Variants in UBTD2 observed in about 807,000 individuals in gnomAD.
The protein encoded by UBTD2 is ubiquitin domain containing 2.
A neutral mutation model predicts 19.8 loss-of-function variants in UBTD2; 9 were observed. The ratio of observed to expected loss-of-function variants is 0.46; its 90% CI spans 0.27 to 0.79. UBTD2 has a LOEUF of 0.79. Among genes scored for constraint, UBTD2 ranks in the 30% least tolerant of loss-of-function variants. UBTD2 has a pLI of 0.14. For synonymous variants in UBTD2, 98 were observed against 103.9 expected, an observed-to-expected ratio of 0.94 and a Z score of 0.35; for missense variants, 250 against 300.4, an observed-to-expected ratio of 0.83 and a Z score of 1.24.
intron 1 of UBTD2, among the ~76,000 whole-genome samples, chr5:172,255,633 G>A (rs1263785895): frequency 6.6e-6 from 1 of 152,166 alleles, no homozygotes; most frequent in Non-Finnish European, 1.5e-5. Context: ...CGTTCCGGCT[G>A]GGGCCCGGCT....
chr5:172,243,589 T>A (rs1295091671), intron 1 of UBTD2, among the ~76,000 whole-genome samples: 3 of 117,402 alleles, frequency 2.6e-5, no homozygotes, highest in African/African-American at 9.5e-5. Context: ...AGAGAGGGAG[T>A]TTTTCTCTTG....
chr5:172,209,865 C>T lies in UBTD2; in HGVS notation c.*1965G>A, dbSNP rs993714897. ...CTCTTAAAAAGAGAGCTCAAATCCT[C>T]AACAAAGAAAGACCTTTTACCAATC... On this transcript the variant is annotated 3_prime_UTR_variant, in exon 3 of 3. Coordinates refer to ENST00000393792, the MANE Select transcript of UBTD2 (RefSeq NM_152277.3). The T allele has an allele frequency of 1.3e-4, 20 of 152,564 alleles. No individual in the cohort carries two copies. Among genetic ancestry groups the T allele is most frequent in the African/African-American group, 4.6e-4 (19 of 41,446 alleles). The allele number at this position is 152,564 out of a possible 1,614,324, so 9.5% of individuals were successfully genotyped here.
intron 2 of UBTD2, among the ~76,000 whole-genome samples, chr5:172,230,746 C>T (rs914171777): frequency 1.3e-5 from 2 of 150,812 alleles, no homozygotes; most frequent in East Asian, 3.9e-4. Flanking sequence ...AGGGGTAGTA[C>T]AACACAATGT....
At chr5:172,231,548 G>T (rs1341375083) in intron 2 of UBTD2, among the ~76,000 whole-genome samples, 3 of 152,160 alleles carry the variant, frequency 2.0e-5, no homozygotes, top group African/African-American at 7.2e-5. Flanking sequence ...AGTAGGATAT[G>T]CATGAGGCCC....
chr5:172,280,238 C>G (rs550008129), intron 1 of UBTD2, among the ~76,000 whole-genome samples: 1 of 150,866 alleles, frequency 6.6e-6, no homozygotes, highest in East Asian at 2.0e-4. Context: ...TGGGCACAGT[C>G]GCTCACACCT....
upstream of UBTD2, chr5:172,283,783 G>A: frequency 1.7e-5 from 10 of 601,380 alleles, no homozygotes; most frequent in African/African-American, 2.0e-5. This position sits in a 1 kb window ranked among gnomAD's most constrained non-coding sequence, Gnocchi z 4.3. Context: ...CGCTCCGCTC[G>A]CCCGCCGCGG....
chr5:172,274,304 C>A lies in UBTD2; in HGVS notation c.70+9292G>T, dbSNP rs56019385. ...TACAGGCACGTGCCACCATGCCCAG[C>A]TAATTTTTGTATTTTTAGCAGAGAC... On this transcript the variant is annotated intron_variant, in intron 1 of 2. Coordinates refer to ENST00000393792, the MANE Select transcript of UBTD2 (RefSeq NM_152277.3). 5.2e-3 allele frequency among the ~76,000 whole-genome samples: 787 copies of A among 152,044 alleles called. 4 individuals are homozygous for A. The highest frequency in any genetic ancestry group is 0.017 in the African/African-American group (720 of 41,478).
intron 1 of UBTD2, among the ~76,000 whole-genome samples, chr5:172,273,095 AT>A (rs59150649): frequency 0.28 from 39,750 of 143,974 alleles, 6,111 homozygotes; most frequent in South Asian, 0.4. Context: ...AAAAAAAAAA[AT>A]AAAAATAAAA....
chr5:172,229,878 T>A (rs1771855628), intron 2 of UBTD2, among the ~76,000 whole-genome samples: 1 of 152,210 alleles, frequency 6.6e-6, no homozygotes, highest in Non-Finnish European at 1.5e-5. Context: ...AAATCGCTGA[T>A]CTATAACCTG....
At chr5:172,282,257 C>T (rs774596190) in intron 1 of UBTD2, among the ~76,000 whole-genome samples, 1 of 152,148 alleles carries the variant, frequency 6.6e-6, no homozygotes. Context: ...TATCTTCCTG[C>T]TTTGTTGTCA....
chr5:172,273,321 T>A (rs576424058), intron 1 of UBTD2, among the ~76,000 whole-genome samples: 1 of 152,208 alleles, frequency 6.6e-6, no homozygotes, highest in Admixed American at 6.5e-5. Flanking sequence ...CTGGGCATGG[T>A]GGCTCACACC....
At chr5:172,218,827 A>T (rs1771599445) in intron 2 of UBTD2, among the ~76,000 whole-genome samples, 1 of 150,562 alleles carries the variant, frequency 6.6e-6, no homozygotes, top group African/African-American at 2.4e-5. Context: ...TAAAAATAAA[A>T]AAAATTCAAC....
intron 2 of UBTD2, among the ~76,000 whole-genome samples, chr5:172,228,676 G>A (rs1581213801): frequency 1.3e-5 from 2 of 151,824 alleles, no homozygotes; most frequent in Admixed American, 6.6e-5. Flanking sequence ...AGCTAAGATC[G>A]CACCACTGCA....
At chr5:172,245,030 GT>G (rs1414784070) in intron 1 of UBTD2, among the ~76,000 whole-genome samples, 9 of 152,238 alleles carry the variant, frequency 5.9e-5, no homozygotes, top group African/African-American at 2.2e-4. Flanking sequence ...GGCCCAGCCT[GT>G]TTTGCAGTCT....
intron 2 of UBTD2, among the ~76,000 whole-genome samples, chr5:172,215,381 G>C (rs915082387): frequency 3.3e-5 from 5 of 152,188 alleles, no homozygotes; most frequent in African/African-American, 1.2e-4. Flanking sequence ...GAAATACCCA[G>C]CTCTAGCCCC....
At position 172,222,895 on chromosome 5, in the gene UBTD2, C is replaced by T. The variant is rs1348867766; in HGVS notation, c.308-10668G>A. Among the ~76,000 whole-genome samples, 4 of 152,094 alleles carry T rather than the reference C, an allele frequency of 2.6e-5. No homozygotes were observed. In the East Asian group the frequency reaches 7.7e-4, roughly 29 times the overall value. ...AAATTAAACGTTCAACATTCACTGC[C>T]TTTTTTATGCTACTGGATATTCTAG... On this transcript the variant is annotated intron_variant, in intron 2 of 2. Transcript: ENST00000393792.
intron 1 of UBTD2, among the ~76,000 whole-genome samples, chr5:172,246,756 T>TTC (rs1754891891): frequency 9.1e-5 from 4 of 43,874 alleles, no homozygotes; most frequent in African/African-American, 4.0e-4. Context: ...GATTGCTTTT[T>TTC]TTTTTTTTTT....
At chr5:172,261,617 C>A (rs1049318864) in intron 1 of UBTD2, among the ~76,000 whole-genome samples, 1 of 152,042 alleles carries the variant, frequency 6.6e-6, no homozygotes, top group Non-Finnish European at 1.5e-5. Flanking sequence ...ATGAAGGAAA[C>A]CACTCACATA....
chr5:172,231,798 T>C (rs1442932373), intron 2 of UBTD2, among the ~76,000 whole-genome samples: 3 of 152,178 alleles, frequency 2.0e-5, no homozygotes, highest in Admixed American at 2.0e-4. Context: ...AAGAGAAGGA[T>C]GATAAAACTA....
Sources: gnomAD v4.1 joint callset for allele counts (sites outside exome capture counted in the v4.1 genomes callset) on GRCh38, gnomAD v4.1.1 for gene constraint, Gnocchi (gnomAD v3.1) non-coding constraint, MANE v1.5 for transcripts, NCBI Gene and HGNC (gene_info 2026-07-23, HGNC 2026-07-21) for gene names.